Variants in CROCC observed in about 807,000 individuals in gnomAD.
CROCC encodes the protein rootletin.
CROCC carries 180 observed loss-of-function variants against 245.2 expected under a neutral mutation model. That is an observed-to-expected ratio of 0.73 (90% CI 0.65 to 0.83). CROCC has a LOEUF of 0.83. Ranked by LOEUF, CROCC falls within the 40% of genes least tolerant of loss-of-function variation. The pLI is 0.00. For missense variants in CROCC, 2,688 were observed against 2,779.4 expected (o/e 0.97, Z 0.74); for synonymous variants, 1,205 against 1,241.6 (o/e 0.97, Z 0.62).
At chr1:16,932,186 G>A (rs1448971030) in intron 8 of CROCC, among the ~76,000 whole-genome samples, 1 of 152,270 alleles carries the variant, frequency 6.6e-6, no homozygotes, top group Non-Finnish European at 1.5e-5. Context: ...GCTCACGCCT[G>A]TAATCCCAGC....
At position 16,938,381 on chromosome 1, in the gene CROCC, C is replaced by T. The variant is rs1390327295; in HGVS notation, c.1291-19C>T. ...AGACAGAACCCCAACCACCCTTTGT[C>T]TCCCTAACCGCACTCCAGGAATCCC... is the stretch of plus-strand genomic sequence containing the variant. On this transcript the variant is annotated intron_variant, in intron 10 of 36. Transcript: ENST00000375541. 2 of 1,549,284 alleles carry T rather than the reference C, an allele frequency of 1.3e-6. No individual in the cohort carries two copies. The highest frequency in any genetic ancestry group is 2.4e-5 in the East Asian group (1 of 41,416).
intron 12 of CROCC, 83 bp from the exon 13 acceptor site, chr1:16,939,811 G>A: frequency 1.1e-5 from 16 of 1,504,464 alleles, no homozygotes; most frequent in Non-Finnish European, 1.5e-5. Flanking sequence ...GTAGGCTAGT[G>A]TGTATCCCTG....
Position 16,970,752 on chromosome 1 carries a change from G to C in CROCC, c.5769G>C (p.Gln1923His). Residue 1923 changes from glutamine (Q) to histidine (H), a missense_variant, in exon 35 of 37, where the codon CAG becomes CAC. Coordinates refer to ENST00000375541, the MANE Select transcript of CROCC (RefSeq NM_014675.5). ...TGGAGCTGGCAGAGGCGCAGAGGCA[G>C]ATCCAGCAGCTGGAGGTCTGACCCC... ...AELELAEAQR[Q>H]IQQLEAQVVV... The C allele has an allele frequency of 6.3e-7, 1 of 1,592,938 alleles. No homozygotes were observed. The highest frequency in any genetic ancestry group is 8.5e-7 in the Non-Finnish European group (1 of 1,171,760).
chr1:16,949,474 G>T (rs2076121742), intron 19 of CROCC, among the ~76,000 whole-genome samples: 1 of 152,220 alleles, frequency 6.6e-6, no homozygotes, highest in African/African-American at 2.4e-5. Flanking sequence ...TCCAACCCGG[G>T]AGATGGTTTT....
intron 13 of CROCC, 102 bp downstream of exon 13, chr1:16,940,195 C>T: frequency 8.1e-7 from 1 of 1,235,464 alleles, no homozygotes; most frequent in East Asian, 2.5e-5. Context: ...AATATGGTCG[C>T]CACTAGCTGC....
chr1:16,917,188 G>A (rs1262688238), upstream of CROCC, among the ~76,000 whole-genome samples: 1 of 152,422 alleles, frequency 6.6e-6, no homozygotes, highest in East Asian at 1.9e-4. Flanking sequence ...TGTGACTTGA[G>A]CTCTTTGTGG....
chr1:16,948,139 T>A (rs1482731986), intron 17 of CROCC, among the ~76,000 whole-genome samples, 192 bp from the exon 18 acceptor site: 1 of 152,284 alleles, frequency 6.6e-6, no homozygotes, highest in African/African-American at 2.4e-5. Flanking sequence ...GGGCCCTGGT[T>A]TTTGTACACA....
chr1:16,922,011 T>C lies in CROCC; in HGVS notation c.-8T>C. 6.5e-7 allele frequency: 1 copy of C among 1,547,296 alleles called. No homozygotes were observed. The highest frequency in any genetic ancestry group is 8.7e-7 in the Non-Finnish European group (1 of 1,144,692). ...GGGGGCTGGAGGCATGCCCACAGCC[T>C]CCCCCCCATGAGCTTGGGGCTGGCG... On this transcript the variant is annotated 5_prime_UTR_variant, in exon 1 of 37. Transcript: ENST00000375541.
chr1:16,960,160 G>A (rs927137426), intron 26 of CROCC, among the ~76,000 whole-genome samples: 6 of 152,048 alleles, frequency 3.9e-5, no homozygotes, highest in African/African-American at 9.7e-5. Flanking sequence ...CCAGCTACTC[G>A]GAGGCTGAGG....
intron 27 of CROCC, among the ~76,000 whole-genome samples, chr1:16,962,692 G>A (rs2100533698): frequency 6.7e-6 from 1 of 150,122 alleles, no homozygotes; most frequent in Admixed American, 6.6e-5. Context: ...TAATTTTTGT[G>A]TATGTGTGTG....
At chr1:16,937,230 G>A (rs1346501374) in intron 9 of CROCC, among the ~76,000 whole-genome samples, 3 of 152,236 alleles carry the variant, frequency 2.0e-5, no homozygotes, top group African/African-American at 7.2e-5. Context: ...GCGCGTGCCT[G>A]TAATCCCAGC....
Position 16,969,318 on chromosome 1 carries a change from A to G in CROCC, c.5279A>G (p.Glu1760Gly). The change falls in exon 32 of 37, where the codon GAA (glutamate) becomes GGA (glycine). Residue 1760 changes from glutamate (E) to glycine (G), a missense_variant. Around this residue, in one of 9 missense-constraint regions of CROCC, gnomAD observed 1,218 missense variants for 1,286.3 expected, o/e 0.95. Coordinates refer to ENST00000375541, the MANE Select transcript of CROCC (RefSeq NM_014675.5). ...CTGCAGAAGGCTCTGACCGCCTGTG[A>G]ACATGACCGCCAAGTACTCCAGGTC... Reference protein sequence around the residue: ...LHLQKALTACEHDRQVLQERL... With the variant: ...LHLQKALTACGHDRQVLQERL... The G allele has an allele frequency of 1.2e-6, 2 of 1,611,864 alleles. No individual in the cohort carries two copies. The highest frequency in any genetic ancestry group is 2.2e-5 in the South Asian group (2 of 90,806).
chr1:16,918,683 G>A (rs1224385320), upstream of CROCC, among the ~76,000 whole-genome samples: 2 of 152,174 alleles, frequency 1.3e-5, no homozygotes, highest in East Asian at 1.9e-4. Context: ...GTAGAAGAGT[G>A]GGCGTCCCTG....
intron 28 of CROCC, 22 bp from the exon 29 acceptor site, chr1:16,965,976 GT>G (rs749515439): frequency 1.2e-6 from 2 of 1,609,252 alleles, no homozygotes; most frequent in Non-Finnish European, 1.7e-6. Flanking sequence ...GTCTGTCTTT[GT>G]TCCCCCATGT....
intron 20 of CROCC, 139 bp downstream of exon 20, chr1:16,951,261 G>A: frequency 1.4e-6 from 1 of 737,678 alleles, no homozygotes; most frequent in Non-Finnish European, 2.0e-6. Context: ...GGAGGACTGG[G>A]GGGATGGGGA....
At chr1:16,933,666 A>T (rs1192790024) in intron 8 of CROCC, among the ~76,000 whole-genome samples, 1 of 152,184 alleles carries the variant, frequency 6.6e-6, no homozygotes, top group Non-Finnish European at 1.5e-5. Flanking sequence ...TCCTGGGTTC[A>T]GCAATCCTAT....
In CROCC at chr1:16,931,348, G is replaced by C; in HGVS notation, c.907G>C (p.Val303Leu). 1.2e-6 allele frequency: 2 copies of C among 1,612,894 alleles called. No individual in the cohort carries two copies. The highest frequency in any genetic ancestry group is 1.7e-6 in the Non-Finnish European group (2 of 1,179,122). ...HSRLLLLWRQ[V>L]VGFRRLVSEV... Reference sequence around the variant, plus strand: ...TCGCCTGCTCCTCCTCTGGAGGCAGGTGGTGGGGTTCCGGCGGCTGGTCAG... The same window carrying C: ...TCGCCTGCTCCTCCTCTGGAGGCAGCTGGTGGGGTTCCGGCGGCTGGTCAG... Residue 303 changes from valine (V) to leucine (L), a missense_variant, in exon 8 of 37, where the codon GTG becomes CTG. By Grantham distance (32) the Val-to-Leu change is conservative. Transcript: ENST00000375541.
At chr1:16,924,572 T>C in intron 3 of CROCC, 93 bp downstream of exon 3, 1 of 1,505,202 alleles carries the variant, frequency 6.6e-7, no homozygotes, top group South Asian at 1.3e-5. Context: ...GGGCAAAAGA[T>C]GGGCCCTGGA....
rs2076039980 is a variant in CROCC at position 16,946,139 on chromosome 1, C to G, written c.2137-120C>G. The G allele has an allele frequency of 4.4e-6, 5 of 1,141,538 alleles. 1 individual carries two copies. Among genetic ancestry groups the G allele is most frequent in the Non-Finnish European group, 1.2e-6 (1 of 812,892 alleles). The allele number at this position is 1,141,538 out of a possible 1,614,324, so 70.7% of individuals were successfully genotyped here. On this transcript the variant is annotated intron_variant, in intron 15 of 36. Coordinates refer to ENST00000375541, the MANE Select transcript of CROCC (RefSeq NM_014675.5). Reference sequence around the variant, plus strand: ...TTTTTTTTTCCATCTCACACTGTGTCCCCTCCTTGTCTCCCCTACCCTGTC... The same window carrying G: ...TTTTTTTTTCCATCTCACACTGTGTGCCCTCCTTGTCTCCCCTACCCTGTC...
Sources: gnomAD v4.1 joint callset for allele counts (sites outside exome capture counted in the v4.1 genomes callset) on GRCh38, gnomAD v4.1.1 for gene constraint, gnomAD v4.1.1 regional missense constraint, MANE v1.5 for transcripts, NCBI Gene and HGNC (gene_info 2026-07-23, HGNC 2026-07-21) for gene names.